Variants in JCAD observed in about 807,000 individuals in gnomAD.
JCAD encodes junctional cadherin 5 associated.
In JCAD, 40 loss-of-function variants were observed where a neutral mutation model predicts 98.0. That is an observed-to-expected ratio of 0.41 (90% CI 0.32 to 0.53). JCAD has a LOEUF of 0.53. Ranked by LOEUF, JCAD falls within the 20% of genes least tolerant of loss-of-function variation. JCAD has a pLI of 0.31. For synonymous variants in JCAD, 691 were observed against 682.3 expected (o/e 1.01, Z -0.20); for missense variants, 1,705 against 1,738.1 (o/e 0.98, Z 0.34).
rs189128183 is a variant in JCAD, at chr10:30,015,107, T to C, written c.*2776A>G. 1 of 152,348 alleles carries C rather than the reference T, an allele frequency of 6.6e-6. No individual in the cohort carries two copies. Among genetic ancestry groups the C allele is most frequent in the East Asian group, 1.9e-4 (1 of 5,192 alleles). 9.4% of individuals were successfully genotyped at this position (152,348 alleles called of 1,614,324 possible). A position where few individuals can be genotyped will look rare whatever the true frequency, so the allele number is the denominator to read the frequency against. The stretch of plus-strand genomic sequence containing the variant: ...AATTTGAGCTAAATTACCATCATTT[T>C]CCCTTCTTTTGCAAATCAAGAAATA... On this transcript the variant is annotated 3_prime_UTR_variant, in exon 4 of 4. Transcript: ENST00000375377.
chr10:30,061,308 C>T (rs376614185), upstream of JCAD, among the ~76,000 whole-genome samples: 3 of 152,102 alleles, frequency 2.0e-5, no homozygotes, highest in Non-Finnish European at 2.9e-5. Flanking sequence ...TTTGGGAGGA[C>T]AAGGCAGGCG....
At chr10:30,057,378 CT>C (rs990665393) in intron 1 of JCAD, among the ~76,000 whole-genome samples, 12 of 152,106 alleles carry the variant, frequency 7.9e-5, no homozygotes, top group Non-Finnish European at 1.5e-4. Flanking sequence ...TTCATATTTA[CT>C]TTTTTTAAGT....
intron 1 of JCAD, among the ~76,000 whole-genome samples, chr10:30,091,557 T>C (rs1036551855): frequency 5.9e-5 from 9 of 152,088 alleles, no homozygotes; most frequent in Admixed American, 5.9e-4. Context: ...ATGATTAAAG[T>C]CCTTGGCTAT....
At position 30,093,265 on chromosome 10, in the gene JCAD, G is replaced by A. The variant is rs137962076; in HGVS notation, n.128+22102C>T. Among the ~76,000 whole-genome samples, 3 of 152,268 alleles carry A rather than the reference G, an allele frequency of 2.0e-5. No homozygotes were observed. The East Asian group carries it at 5.8e-4, about 29-fold the overall frequency. On this transcript the variant is annotated intron_variant and non_coding_transcript_variant, in intron 1 of 2. Transcript: ENST00000465712. ...AAGCAAGGGAATTGATTCACACTGG[G>A]TGTGGTTTAAATGTTGATAAAACCC...
intron 1 of JCAD, among the ~76,000 whole-genome samples, chr10:30,095,492 C>A (rs1249123596): frequency 6.6e-6 from 1 of 152,222 alleles, no homozygotes; most frequent in African/African-American, 2.4e-5. Context: ...GCCCACTTTT[C>A]ATCTTATCCC....
intron 1 of JCAD, among the ~76,000 whole-genome samples, chr10:30,055,325 A>G (rs1241259650): frequency 6.6e-6 from 1 of 152,262 alleles, no homozygotes; most frequent in Non-Finnish European, 1.5e-5. Flanking sequence ...AACTGACAAC[A>G]TTTAGGTCTA....
intron 2 of JCAD, among the ~76,000 whole-genome samples, chr10:30,034,493 T>C (rs1157266831): frequency 2.6e-5 from 4 of 152,192 alleles, no homozygotes; most frequent in African/African-American, 7.2e-5. Flanking sequence ...TTTGTTGTCA[T>C]TGAAATTATG....
chr10:30,066,343 TGC>T (rs1253269583), intron 2 of JCAD, among the ~76,000 whole-genome samples: 1 of 152,220 alleles, frequency 6.6e-6, no homozygotes, highest in African/African-American at 2.4e-5. Flanking sequence ...TCTAATTGTT[TGC>T]TCTCCTCGTG....
At chr10:30,068,235 A>G (rs1332999184) in intron 2 of JCAD, among the ~76,000 whole-genome samples, 1 of 151,904 alleles carries the variant, frequency 6.6e-6, no homozygotes, top group African/African-American at 2.4e-5. Context: ...CTAAAAATAC[A>G]AAAAAATTAG....
intron 1 of JCAD, among the ~76,000 whole-genome samples, chr10:30,079,173 C>A (rs535067536): frequency 4.6e-5 from 7 of 151,958 alleles, no homozygotes; most frequent in Admixed American, 1.3e-4. Flanking sequence ...ACGGTGAAAC[C>A]CCGTCCCTAC....
intron 2 of JCAD, among the ~76,000 whole-genome samples, chr10:30,033,595 T>C (rs1359318099): frequency 6.6e-6 from 1 of 152,240 alleles, no homozygotes; most frequent in Non-Finnish European, 1.5e-5. Context: ...CTTTGATTAC[T>C]AGTGAGGTCG....
intron 2 of JCAD, among the ~76,000 whole-genome samples, chr10:30,043,657 G>A (rs1837283256): frequency 6.6e-6 from 1 of 152,180 alleles, no homozygotes; most frequent in African/African-American, 2.4e-5. Flanking sequence ...GGGGAGGGTG[G>A]AGGACAAGGG....
intron 1 of JCAD, among the ~76,000 whole-genome samples, chr10:30,098,504 G>T (rs1412621082): frequency 6.6e-6 from 1 of 152,208 alleles, no homozygotes; most frequent in Non-Finnish European, 1.5e-5. Flanking sequence ...TCAGTGAGAT[G>T]AACTGATTTA....
chr10:30,108,427 G>C (rs1223185027), intron 1 of JCAD, among the ~76,000 whole-genome samples: 1 of 152,116 alleles, frequency 6.6e-6, no homozygotes, highest in Non-Finnish European at 1.5e-5. Flanking sequence ...CAGAGGGATA[G>C]GCATCCACAT....
chr10:30,113,677 C>A (rs56966994), intron 1 of JCAD, among the ~76,000 whole-genome samples: 10,400 of 151,048 alleles, frequency 0.069, 509 homozygotes, highest in African/African-American at 0.13. Flanking sequence ...GACTTCTGGG[C>A]CCACCTCCCT....
Position 30,018,166 on chromosome 10 carries a change from G to A in JCAD, c.4046-249C>T, listed in dbSNP as rs997376195. The stretch of plus-strand genomic sequence containing the variant: ...GAAAATATGAACTGCTGAATACTTC[G>A]GCGGCTCCTTCCTGTTCACCGTGGA... On this transcript the variant is annotated intron_variant, in intron 3 of 3. Coordinates refer to ENST00000375377, the MANE Select transcript of JCAD (RefSeq NM_020848.4). 3.3e-5 allele frequency among the ~76,000 whole-genome samples: 5 copies of A among 152,254 alleles called. No individual in the cohort carries two copies. The East Asian group carries it at 7.7e-4, about 23-fold the overall frequency.
At position 30,028,952 on chromosome 10, in the gene JCAD, A is replaced by G. The variant is rs1836917349; in HGVS notation, c.1196T>C (p.Val399Ala). Residue 399 changes from valine (V) to alanine (A), a missense_variant, in exon 3 of 4, where the codon GTG (valine) becomes GCG (alanine). Transcript: ENST00000375377. ...GAGCCCCTGAGGCAAGCGGGGGCTC[A>G]CACCATACTCATTCCCAGTTCCAGG... ...GPPGTGNEYG[V>A]SPRLPQGLPA... 6.2e-7 allele frequency: 1 copy of G among 1,613,972 alleles called. No homozygotes were observed.
intron 1 of JCAD, among the ~76,000 whole-genome samples, chr10:30,084,022 AAAG>A (rs1248885609): frequency 2.6e-5 from 4 of 151,918 alleles, no homozygotes; most frequent in Non-Finnish European, 4.4e-5. Context: ...TGAAAAAAAG[AAAG>A]AAAGAGAGAG....
At chr10:30,102,065 T>G (rs1306064665) in intron 1 of JCAD, among the ~76,000 whole-genome samples, 1 of 152,236 alleles carries the variant, frequency 6.6e-6, no homozygotes, top group African/African-American at 2.4e-5. Context: ...ATCTCCCACC[T>G]AGTCAATTTT....
Sources: gnomAD v4.1 joint callset for allele counts (sites outside exome capture counted in the v4.1 genomes callset) on GRCh38, gnomAD v4.1.1 for gene constraint, MANE v1.5 for transcripts, NCBI Gene and HGNC (gene_info 2026-07-23, HGNC 2026-07-21) for gene names.